The following CNIH3 variants were observed in gnomAD, a reference collection of about 807,000 sequenced individuals.
CNIH3 encodes protein cornichon homolog 3.
In CNIH3, 14 loss-of-function variants were observed where a neutral mutation model predicts 24.1. The observed-to-expected ratio is 0.58, with a 90% CI of 0.38 to 0.91. CNIH3 has a LOEUF of 0.91. Among genes scored for constraint, CNIH3 ranks in the 40% least tolerant of loss-of-function variants. CNIH3 has a pLI of 0.00. For synonymous variants in CNIH3, 68 were observed against 73.8 expected (o/e 0.92, Z 0.40); for missense variants, 178 against 196.8 (o/e 0.90, Z 0.57).
chr1:224,712,750 A>G (rs1688223050), intron 3 of CNIH3, among the ~76,000 whole-genome samples: 1 of 152,214 alleles, frequency 6.6e-6, no homozygotes, highest in African/African-American at 2.4e-5. Flanking sequence ...TTCCTCATCA[A>G]TTATTTCCAG....
chr1:224,510,609 CAAAAA>C (rs375132413), intron 1 of CNIH3, among the ~76,000 whole-genome samples: 1 of 104,248 alleles, frequency 9.6e-6, no homozygotes, highest in African/African-American at 4.7e-5. Context: ...AAAAAAAAAA[CAAAAA>C]AAAAACAAAA....
chr1:224,526,107 C>T (rs546843488), intron 2 of CNIH3, among the ~76,000 whole-genome samples: 1 of 152,322 alleles, frequency 6.6e-6, no homozygotes, highest in East Asian at 1.9e-4. Context: ...ATTCACTTAA[C>T]TACAGTTACA....
chr1:224,466,264 A>G (rs1428501463), intron 1 of CNIH3, among the ~76,000 whole-genome samples: 1 of 152,168 alleles, frequency 6.6e-6, no homozygotes, highest in Non-Finnish European at 1.5e-5. Flanking sequence ...CTTTCTCCCC[A>G]GTCCATAACC....
At chr1:224,729,832 G>C (rs141240911) in intron 3 of CNIH3, among the ~76,000 whole-genome samples, 97 of 152,186 alleles carry the variant, frequency 6.4e-4, no homozygotes, top group African/African-American at 2.2e-3. Context: ...GCCTTTCTTG[G>C]TCAGGATCAG....
chr1:224,643,909 G>A (rs1684478375), intron 1 of CNIH3, among the ~76,000 whole-genome samples: 2 of 152,298 alleles, frequency 1.3e-5, no homozygotes, highest in East Asian at 3.9e-4. Context: ...CTTCCTACCT[G>A]GCTGTCTCAC....
At chr1:224,612,903 C>CA (rs903468220), upstream of CNIH3, among the ~76,000 whole-genome samples, 3 of 151,964 alleles carry the variant, frequency 2.0e-5, no homozygotes, top group Admixed American at 1.3e-4. The surrounding 1 kb of genome is among the most constrained non-coding windows in gnomAD (Gnocchi z 4.7). Context: ...AAATAAAAAG[C>CA]AAAAAAACAG....
intron 1 of CNIH3, among the ~76,000 whole-genome samples, chr1:224,632,977 G>A (rs904564256): frequency 6.6e-6 from 1 of 152,096 alleles, no homozygotes; most frequent in African/African-American, 2.4e-5. Flanking sequence ...TTCCTTGTGT[G>A]TGAAATGAAG....
chr1:224,589,313 T>C (rs1202351052), downstream of CNIH3, among the ~76,000 whole-genome samples: 1 of 152,188 alleles, frequency 6.6e-6, no homozygotes, highest in African/African-American at 2.4e-5. Flanking sequence ...TTTGAAGATT[T>C]AACACATTAT....
In CNIH3 at chr1:224,727,569, C is replaced by A. The variant is rs930987048; in HGVS notation, c.199-2893C>A. Among the ~76,000 whole-genome samples the A allele has an allele frequency of 1.1e-4, 17 of 152,322 alleles. No homozygotes were observed. In the South Asian group the frequency reaches 3.1e-3, roughly 28 times the overall value. On this transcript the variant is annotated intron_variant, in intron 3 of 5. Transcript: ENST00000272133. ...AACCCCTGAGAGCTGGAAAATGAGA[C>A]CTTACCACCTTCCAGAAGGCTGAGT...
intron 2 of CNIH3, among the ~76,000 whole-genome samples, chr1:224,527,236 G>A (rs1042638402): frequency 2.6e-5 from 4 of 152,170 alleles, no homozygotes; most frequent in African/African-American, 4.8e-5. Context: ...GTACTGCTGA[G>A]GGAGGCATCA....
intron 5 of CNIH3, among the ~76,000 whole-genome samples, chr1:224,583,427 A>G (rs940633275): frequency 6.6e-6 from 1 of 152,222 alleles, no homozygotes; most frequent in Non-Finnish European, 1.5e-5. Context: ...AGAGTGAGGG[A>G]TAAAATCTGA....
At chr1:224,522,495 G>A (rs1337133665) in intron 2 of CNIH3, among the ~76,000 whole-genome samples, 1 of 152,192 alleles carries the variant, frequency 6.6e-6, no homozygotes, top group Non-Finnish European at 1.5e-5. Flanking sequence ...GTGGGAGAAG[G>A]TATTGCAGCG....
intron 3 of CNIH3, among the ~76,000 whole-genome samples, chr1:224,562,955 G>A (rs542947261): frequency 6.6e-6 from 1 of 152,312 alleles, no homozygotes; most frequent in Admixed American, 6.5e-5. Flanking sequence ...TGCTACTGAA[G>A]AGTGTGTAAA....
chr1:224,606,039 C>G lies in CNIH3; in HGVS notation n.402+39775C>G, dbSNP rs11579342. On this transcript the variant is annotated intron_variant and non_coding_transcript_variant, in intron 3 of 7. Coordinates refer to the CNIH3 transcript ENST00000478120. ...TCTCAACGCCTCTCAGGAAGGGGAA[C>G]ATGTAGGTGAGTGGGTGCTGGGGCC... Among the ~76,000 whole-genome samples, 1,080 of 152,238 alleles carry G rather than the reference C, an allele frequency of 7.1e-3. 7 individuals are homozygous for G. The highest frequency in any genetic ancestry group is 0.01 in the Non-Finnish European group (711 of 68,016).
chr1:224,733,425 A>C (rs1253593364), intron 4 of CNIH3, among the ~76,000 whole-genome samples: 2 of 152,172 alleles, frequency 1.3e-5, no homozygotes, highest in Non-Finnish European at 2.9e-5. Flanking sequence ...CAGGAAGAGG[A>C]GAGATGAGTG....
intron 1 of CNIH3, among the ~76,000 whole-genome samples, chr1:224,674,008 GTAT>G (rs1239880503): frequency 6.6e-6 from 1 of 152,184 alleles, no homozygotes; most frequent in Non-Finnish European, 1.5e-5. Context: ...CTCCTGAACT[GTAT>G]GCTAGGGGGA....
At position 224,735,112 on chromosome 1, in the gene CNIH3, A is replaced by G. The variant is rs117694940; in HGVS notation, c.455+406A>G. Among the ~76,000 whole-genome samples, 611 of 152,226 alleles carry G rather than the reference A, an allele frequency of 4.0e-3. 3 individuals are homozygous for G. Among genetic ancestry groups the G allele is most frequent in the South Asian group, 0.026 (124 of 4,822 alleles). On this transcript the variant is annotated intron_variant, in intron 5 of 5. Coordinates refer to ENST00000272133, the MANE Select transcript of CNIH3 (RefSeq NM_152495.2). ...GCTCATCCTCACTGTCCCTTGCCCC[A>G]AGGATTCTTGGGAACCATAACAGAG...
At chr1:224,639,306 C>T (rs1317771328) in intron 1 of CNIH3, among the ~76,000 whole-genome samples, 1 of 152,230 alleles carries the variant, frequency 6.6e-6, no homozygotes, top group Non-Finnish European at 1.5e-5. Context: ...GTCCTCATGT[C>T]CCCCTCGTAC....
rs572636585 is a variant in CNIH3 at position 224,601,496 on chromosome 1, G to GAGAT, written n.402+35235_402+35236insTAGA. ...GTTTCAGGTCTTTTCTATCTATTGG[G>GAGAT]AGACTGGCTTTCCCTGGCGCTGGCT... On this transcript the variant is annotated intron_variant and non_coding_transcript_variant, in intron 3 of 7. Coordinates refer to the CNIH3 transcript ENST00000478120. Among the ~76,000 whole-genome samples, 862 of 152,286 alleles carry GAGAT rather than the reference G, an allele frequency of 5.7e-3. 2 individuals are homozygous for GAGAT. The highest frequency in any genetic ancestry group is 9.3e-3 in the Non-Finnish European group (630 of 68,032).
Sources: allele counts gnomAD v4.1 joint callset (sites outside exome capture counted in the v4.1 genomes callset), GRCh38; gene constraint gnomAD v4.1.1; non-coding constraint Gnocchi (gnomAD v3.1); transcripts MANE v1.5; gene names NCBI Gene and HGNC (gene_info 2026-07-23, HGNC 2026-07-21).